HFM1: variants seen among roughly 807,000 people sequenced by gnomAD.
HFM1 encodes probable ATP-dependent DNA helicase HFM1.
Under a neutral mutation model 192.1 loss-of-function variants are expected in HFM1, and 169 were observed. That is an observed-to-expected ratio of 0.88 (90% CI 0.78 to 1.00). The LOEUF (loss-of-function observed/expected upper bound fraction) is 1.00, where lower values mean the gene tolerates loss of function less well. Ranked by LOEUF, HFM1 falls within the 50% of genes least tolerant of loss-of-function variation. The probability of loss-of-function intolerance (pLI) is 0.00; values close to 1 mark genes in which losing one functional copy is unlikely to be tolerated. For synonymous variants in HFM1, 525 were observed against 537.8 expected, an observed-to-expected ratio of 0.98 and a Z score of 0.33; for missense variants, 1,661 against 1,668.0, an observed-to-expected ratio of 1.00 and a Z score of 0.07.
At chr1:91,302,918 A>G (rs1301200209) in intron 30 of HFM1, among the ~76,000 whole-genome samples, 1 of 152,162 alleles carries the variant, frequency 6.6e-6, no homozygotes, top group Admixed American at 6.6e-5. Flanking sequence ...ATGTACCCTA[A>G]AAGTATAATT....
rs1036881563 is a variant in HFM1, at chr1:91,319,462, T to C, written c.2583-72A>G. ...TCTCCCAGTATTTGATATCACTCAC[T>C]GAAGTATTCCTTCTTAAAACTTTTC... On this transcript the variant is annotated intron_variant, in intron 23 of 38. Coordinates refer to ENST00000370425, the MANE Select transcript of HFM1 (RefSeq NM_001017975.6). 1.8e-5 allele frequency: 17 copies of C among 926,136 alleles called. No individual in the cohort carries two copies. In the African/African-American group the frequency reaches 2.6e-4, roughly 14 times the overall value. 57.4% of individuals were successfully genotyped at this position (926,136 alleles called of 1,614,324 possible).
At position 91,315,802 on chromosome 1, in the gene HFM1, A is replaced by T; in HGVS notation, c.3140+13T>A. 6.3e-7 allele frequency: 1 copy of T among 1,577,234 alleles called. No individual in the cohort carries two copies. The highest frequency in any genetic ancestry group is 8.6e-7 in the Non-Finnish European group (1 of 1,160,154). ...TTAGAAATAAGATCAAACATCAGAA[A>T]TTTCACACTTACGTAATCTTGTGCA... On this transcript the variant is annotated intron_variant, in intron 28 of 38. Coordinates refer to ENST00000370425, the MANE Select transcript of HFM1 (RefSeq NM_001017975.6).
At chr1:91,377,755 T>C (rs755067047) in intron 11 of HFM1, 18 of 422,272 alleles carry the variant, frequency 4.3e-5, no homozygotes, top group South Asian at 3.1e-4. Context: ...GTGAAGTTAC[T>C]ATGAGGCACC....
intron 11 of HFM1, chr1:91,377,634 A>T (rs953666788): frequency 1.0e-5 from 2 of 200,962 alleles, no homozygotes; most frequent in South Asian, 1.9e-4. Context: ...AATGCCAAGC[A>T]TACAGAATTG....
intron 25 of HFM1, among the ~76,000 whole-genome samples, chr1:91,318,739 AAACAAAAT>A (rs1651625118): frequency 6.6e-6 from 1 of 152,228 alleles, no homozygotes; most frequent in Admixed American, 6.5e-5. Context: ...ATTGAGATCA[AAACAAAAT>A]ATTCATCAAA....
intron 30 of HFM1, among the ~76,000 whole-genome samples, chr1:91,291,891 G>A (rs1449997751): frequency 3.3e-5 from 5 of 152,148 alleles, no homozygotes; most frequent in Admixed American, 6.5e-5. Flanking sequence ...TGCAAGGCTG[G>A]TTCAATATAC....
intron 30 of HFM1, among the ~76,000 whole-genome samples, chr1:91,280,573 G>C (rs562347891): frequency 6.6e-6 from 1 of 152,306 alleles, no homozygotes; most frequent in South Asian, 2.1e-4. Flanking sequence ...TTTCACATTT[G>C]CTCCATACCT....
At chr1:91,297,251 C>G (rs898280133) in intron 30 of HFM1, among the ~76,000 whole-genome samples, 11 of 152,160 alleles carry the variant, frequency 7.2e-5, no homozygotes, top group East Asian at 1.9e-4. Flanking sequence ...GGGAGGGGCA[C>G]CCGCCATTGC....
intron 18 of HFM1, among the ~76,000 whole-genome samples, chr1:91,348,887 G>A (rs1344294976): frequency 6.6e-6 from 1 of 152,066 alleles, no homozygotes; most frequent in Non-Finnish European, 1.5e-5. Flanking sequence ...TCACACCATT[G>A]GACTTCAGCC....
chr1:91,392,919 A>G (rs1423635976), intron 4 of HFM1, among the ~76,000 whole-genome samples: 2 of 152,184 alleles, frequency 1.3e-5, no homozygotes, highest in Admixed American at 1.3e-4. Context: ...GGTGCTGTGG[A>G]AAGGGAGAAA....
At chr1:91,372,465 T>C (rs1660359472) in intron 13 of HFM1, among the ~76,000 whole-genome samples, 1 of 152,170 alleles carries the variant, frequency 6.6e-6, no homozygotes, top group Admixed American at 6.5e-5. Context: ...GAAACTATCA[T>C]TCGCAGCAAA....
rs560035348 is a variant in HFM1 at position 91,385,162 on chromosome 1, C to G, written c.802+25G>C. The G allele has an allele frequency of 1.1e-5, 15 of 1,315,072 alleles. No individual in the cohort carries two copies. The African/African-American group carries it at 1.6e-4, about 14-fold the overall frequency. 81.5% of individuals were successfully genotyped at this position (1,315,072 alleles called of 1,614,324 possible). A position where few individuals can be genotyped will look rare whatever the true frequency, so the allele number is the denominator to read the frequency against. ...TTATGATTTAATAAATACAAAGCAG[C>G]TATTGTAAATAACTTAAAGGATACG... On this transcript the variant is annotated intron_variant, in intron 6 of 38. Transcript: ENST00000370425.
rs774423067 is a variant in HFM1, at chr1:91,350,807, T to C, written c.2137A>G (p.Asn713Asp). Residue 713 changes from asparagine (N) to aspartate (D), a missense_variant, in exon 18 of 39, where the codon AAT becomes GAT. Coordinates refer to ENST00000370425, the MANE Select transcript of HFM1 (RefSeq NM_001017975.6). ...GATCGTATCCATTCCACAGCAATATTCACATCCGTGATGGTATGCAGTACT... is the reference window on the plus strand; with the variant it reads ...GATCGTATCCATTCCACAGCAATATCCACATCCGTGATGGTATGCAGTACT... ...EIVLHTITDV[N>D]IAVEWIRSTL... The C allele has an allele frequency of 6.2e-7, 1 of 1,610,106 alleles. No homozygotes were observed. The highest frequency in any genetic ancestry group is 2.2e-5 in the East Asian group (1 of 44,688).
chr1:91,351,107 A>G (rs1387028810), intron 17 of HFM1, among the ~76,000 whole-genome samples: 3 of 152,040 alleles, frequency 2.0e-5, no homozygotes, highest in African/African-American at 7.2e-5. Context: ...CAAAAGTTGA[A>G]GCGTAAATTA....
intron 10 of HFM1, 57 bp from the exon 11 acceptor site, chr1:91,378,240 A>C (rs1317801634): frequency 7.5e-7 from 1 of 1,338,082 alleles, no homozygotes. Context: ...ACATTTAATC[A>C]ATTAAAATAT....
intron 32 of HFM1, among the ~76,000 whole-genome samples, chr1:91,276,072 C>T (rs1320406670): frequency 6.6e-6 from 1 of 152,142 alleles, no homozygotes; most frequent in Non-Finnish European, 1.5e-5. Flanking sequence ...ATCCCTCTCT[C>T]TCTCTCTTTC....
intron 30 of HFM1, among the ~76,000 whole-genome samples, chr1:91,307,754 T>G (rs574136801): frequency 2.0e-5 from 3 of 152,166 alleles, no homozygotes; most frequent in Non-Finnish European, 4.4e-5. Flanking sequence ...AAGCCTGGCC[T>G]TAGTATTCAT....
intron 30 of HFM1, among the ~76,000 whole-genome samples, chr1:91,298,542 G>A (rs1281003117): frequency 6.6e-6 from 1 of 152,166 alleles, no homozygotes; most frequent in Non-Finnish European, 1.5e-5. Flanking sequence ...AGAGAGAAAG[G>A]TTGGGTTACC....
At chr1:91,295,378 G>C (rs1647369827) in intron 30 of HFM1, among the ~76,000 whole-genome samples, 2 of 152,206 alleles carry the variant, frequency 1.3e-5, no homozygotes, top group East Asian at 3.9e-4. Context: ...GTGTTGGTAG[G>C]GTTGGTATCT....
Sources: gnomAD v4.1 joint callset for allele counts (sites outside exome capture counted in the v4.1 genomes callset) on GRCh38, gnomAD v4.1.1 for gene constraint, MANE v1.5 for transcripts, NCBI Gene and HGNC (gene_info 2026-07-23, HGNC 2026-07-21) for gene names.